The following RNF135 variants were observed in gnomAD, a reference collection of about 807,000 sequenced individuals.
The protein encoded by RNF135 is ring finger protein 135.
RNF135 carries 46 observed loss-of-function variants against 41.9 expected under a neutral mutation model. The observed-to-expected ratio is 1.10, with a 90% confidence interval of 0.87 to 1.40. The LOEUF is 1.40. Among genes scored for constraint, RNF135 ranks in the 40% most tolerant of loss-of-function variants. RNF135 has a pLI of 0.00. For missense variants in RNF135, 539 were observed against 549.8 expected (o/e 0.98, Z 0.20); for synonymous variants, 238 against 223.8 (o/e 1.06, Z -0.57).
rs376698739 is a variant in RNF135 at position 30,987,231 on chromosome 17, CT to C, written c.517-700del. Among the ~76,000 whole-genome samples the C allele has an allele frequency of 7.7e-3, 1,100 of 142,094 alleles. 7 individuals are homozygous for C. Among genetic ancestry groups the C allele is most frequent in the African/African-American group, 0.023 (911 of 39,050 alleles). The allele number at this position is 142,094 out of a possible 152,430, so 93.2% of individuals were successfully genotyped here. On this transcript the variant is annotated intron_variant, in intron 2 of 4. Transcript: ENST00000328381. Reference sequence around the variant, plus strand: ...TAATGATAGAGGTGGGAAAAGGTTCCTTTTTTTTTTTTTGTGAAATGGAGTC... The same window carrying C: ...TAATGATAGAGGTGGGAAAAGGTTCCTTTTTTTTTTTTGTGAAATGGAGTC...
intron 1 of RNF135, among the ~76,000 whole-genome samples, chr17:30,979,971 T>C (rs1431422441): frequency 2.1e-5 from 2 of 93,372 alleles, no homozygotes; most frequent in South Asian, 4.3e-4. Flanking sequence ...ACGGGGCGGC[T>C]GGCCAGGCGG....
chr17:30,967,873 T>C (rs184170680), upstream of RNF135, among the ~76,000 whole-genome samples: 25 of 152,018 alleles, frequency 1.6e-4, no homozygotes, highest in East Asian at 4.9e-3. Flanking sequence ...AGCTAATTTT[T>C]TTTTGTATTT....
intron 4 of RNF135, among the ~76,000 whole-genome samples, chr17:30,998,083 G>T (rs540348499): frequency 1.3e-5 from 2 of 152,308 alleles, no homozygotes; most frequent in East Asian, 3.9e-4. Flanking sequence ...GCTAATTTTG[G>T]TATGTTTAAT....
chr17:30,983,336 TATATATATA>T (rs1567743140), intron 1 of RNF135, among the ~76,000 whole-genome samples: 19 of 28,914 alleles, frequency 6.6e-4, no homozygotes, highest in African/African-American at 1.4e-3. Context: ...TATATATATA[TATATATATA>T]TATATATATT....
intron 3 of RNF135, among the ~76,000 whole-genome samples, chr17:30,994,348 GC>G (rs972562431): frequency 2.0e-5 from 3 of 152,008 alleles, no homozygotes; most frequent in Non-Finnish European, 4.4e-5. Context: ...TTCAAGAGCA[GC>G]CTGGGTAACA....
intron 1 of RNF135, among the ~76,000 whole-genome samples, chr17:30,979,719 C>T (rs1906868122): frequency 7.5e-6 from 1 of 133,888 alleles, no homozygotes; most frequent in African/African-American, 2.8e-5. Context: ...GGCTGACCCC[C>T]CCCACCTCCC....
At chr17:30,983,504 C>T (rs1189154081) in intron 1 of RNF135, among the ~76,000 whole-genome samples, 1 of 150,888 alleles carries the variant, frequency 6.6e-6, no homozygotes, top group African/African-American at 2.4e-5. Context: ...TAGGTGCCTG[C>T]AACCACACCT....
chr17:30,985,893 C>T (rs537903534), intron 2 of RNF135, among the ~76,000 whole-genome samples: 17 of 152,172 alleles, frequency 1.1e-4, no homozygotes, highest in African/African-American at 2.7e-4. Context: ...GCCGCACAGT[C>T]GCTCTAGTGT....
At position 30,979,219 on chromosome 17, in the gene RNF135, G is replaced by A. The variant is rs1449697591; in HGVS notation, c.373-5398G>A. Reference sequence around the variant, plus strand: ...GCGCCCCTCACCTCCCGGATGGGGCGGCTGGCCGGGCGGGGGGCTGACCCC... The same window carrying A: ...GCGCCCCTCACCTCCCGGATGGGGCAGCTGGCCGGGCGGGGGGCTGACCCC... On this transcript the variant is annotated intron_variant, in intron 1 of 4. Coordinates refer to ENST00000328381, the MANE Select transcript of RNF135 (RefSeq NM_032322.4). 10 of 144,754 alleles carry A rather than the reference G, an allele frequency of 6.9e-5. No individual in the cohort carries two copies. The East Asian group carries it at 1.8e-3, about 27-fold the overall frequency. The allele number at this position is 144,754 out of a possible 1,614,324, so 9.0% of individuals were successfully genotyped here.
intron 4 of RNF135, chr17:30,997,677 T>C (rs372023467): frequency 8.4e-5 from 34 of 406,518 alleles, no homozygotes; most frequent in African/African-American, 6.5e-4. Context: ...TTCTGCCATC[T>C]CAGTCTGGGA....
At chr17:30,988,246 G>C in intron 3 of RNF135, 140 bp downstream of exon 3, 2 of 840,870 alleles carry the variant, frequency 2.4e-6, no homozygotes, top group Non-Finnish European at 3.9e-6. Context: ...ATCAGGTAGG[G>C]GTGGGCTGAA....
In RNF135 at chr17:30,995,010, A is replaced by G. The variant is rs540024367; in HGVS notation, c.680-2232A>G. 2.3e-3 allele frequency among the ~76,000 whole-genome samples: 350 copies of G among 152,068 alleles called. 1 individual carries two copies. The highest frequency in any genetic ancestry group is 6.8e-3 in the Middle Eastern group (2 of 292). ...CAGGCTAGAGTACTGTGGCACAACT[A>G]TGGCTCACTGTAACCTCAATCCTCC... On this transcript the variant is annotated intron_variant, in intron 3 of 4. Transcript: ENST00000328381.
At chr17:30,966,209 T>A (rs1055266430), upstream of RNF135, among the ~76,000 whole-genome samples, 10 of 152,250 alleles carry the variant, frequency 6.6e-5, no homozygotes, top group East Asian at 5.8e-4. Flanking sequence ...CCTTCCACGG[T>A]TAGCTTGGCC....
At chr17:30,966,740 C>T (rs997368568), upstream of RNF135, among the ~76,000 whole-genome samples, 4 of 151,514 alleles carry the variant, frequency 2.6e-5, no homozygotes, top group East Asian at 1.9e-4. Context: ...CTCTTGACCT[C>T]GTGATCCACA....
intron 1 of RNF135, chr17:30,978,499 C>T (rs1167536943): frequency 6.6e-6 from 1 of 152,084 alleles, no homozygotes; most frequent in South Asian, 2.1e-4. Context: ...AATACTTGAT[C>T]GATTTTGCTA....
upstream of RNF135, among the ~76,000 whole-genome samples, chr17:30,966,421 T>A (rs944970803): frequency 3.7e-5 from 4 of 109,354 alleles, no homozygotes; most frequent in Admixed American, 1.6e-4. Context: ...TTTATTTTTT[T>A]ATTTATTTTT....
At chr17:30,967,704 C>CTT (rs561517645), upstream of RNF135, among the ~76,000 whole-genome samples, 13 of 138,738 alleles carry the variant, frequency 9.4e-5, no homozygotes, top group Non-Finnish European at 1.7e-4. Context: ...GACAAAATTT[C>CTT]TTTTTTTTTT....
At chr17:30,977,047 A>T (rs1906522645) in intron 1 of RNF135, among the ~76,000 whole-genome samples, 1 of 151,942 alleles carries the variant, frequency 6.6e-6, no homozygotes, top group South Asian at 2.1e-4. Flanking sequence ...TTAAATGAAG[A>T]TGATTTTCTC....
chr17:30,970,886 TG>T, upstream of RNF135: 1 of 783,462 alleles, frequency 1.3e-6, no homozygotes, highest in Non-Finnish European at 2.0e-6. Flanking sequence ...TCTTTCCAGC[TG>T]GGCACTGGAG....
Sources: allele counts gnomAD v4.1 joint callset (sites outside exome capture counted in the v4.1 genomes callset), GRCh38; gene constraint gnomAD v4.1.1; transcripts MANE v1.5; gene names NCBI Gene and HGNC (gene_info 2026-07-23, HGNC 2026-07-21).